SP6: variants seen among roughly 807,000 people sequenced by gnomAD.
The protein encoded by SP6 is transcription factor Sp6.
A neutral mutation model predicts 23.4 loss-of-function variants in SP6; 10 were observed. That is an observed-to-expected ratio of 0.43 (90% CI 0.26 to 0.72). The LOEUF is 0.72. SP6 is among the 30% of genes least tolerant of loss of function. SP6 has a pLI of 0.23. For synonymous variants in SP6, 238 were observed against 238.7 expected, an observed-to-expected ratio of 1.00 and a Z score of 0.03; for missense variants, 482 against 523.8, an observed-to-expected ratio of 0.92 and a Z score of 0.78.
At chr17:47,862,933 T>C in the SP6 span, among the ~76,000 whole-genome samples, 4 of 152,274 alleles carry the variant, frequency 2.6e-5, no homozygotes. Context: ...TTATCCTTGA[T>C]TGAGCCTGTG....
Position 47,850,921 on chromosome 17 carries a change from C to G in SP6, c.-60G>C, listed in dbSNP as rs543471761. 1.3e-5 allele frequency: 2 copies of G among 152,506 alleles called. No homozygotes were observed. Among genetic ancestry groups the G allele is most frequent in the East Asian group, 3.9e-4 (2 of 5,188 alleles). The allele number at this position is 152,506 out of a possible 1,614,324, so 9.4% of individuals were successfully genotyped here. On this transcript the variant is annotated splice_region_variant and 5_prime_UTR_variant, in exon 1 of 2. Coordinates refer to ENST00000536300, the MANE Select transcript of SP6 (RefSeq NM_001258248.2). ...GCCACCCCGACCCGCGCTCCTACCT[C>G]GAGGCTGCGGCGGGCTCCGGGCACG...
chr17:47,855,893 A>G (rs1708925390), upstream of SP6: 1 of 152,338 alleles, frequency 6.6e-6, no homozygotes, highest in South Asian at 2.1e-4. Flanking sequence ...CTGCCAGGAA[A>G]GGAGGATTTC....
chr17:47,847,809 G>C lies in SP6; in HGVS notation c.621C>G (p.Asp207Glu). ...GGGAGCCTTTGGGACGCGCCGCCCCGTCCAGGCTGGAATCCAGCCCTTGAG... is the reference window on the plus strand; with the variant it reads ...GGGAGCCTTTGGGACGCGCCGCCCCCTCCAGGCTGGAATCCAGCCCTTGAG... ...PESQGLDSSLDGAARPKGSRR... is the reference protein window; with the variant it reads ...PESQGLDSSLEGAARPKGSRR... Residue 207 changes from aspartate (D) to glutamate (E), a missense_variant, in exon 2 of 2, where the codon GAC becomes GAG. Physicochemically the swap from Asp to Glu is conservative, Grantham distance 45. Coordinates refer to ENST00000536300, the MANE Select transcript of SP6 (RefSeq NM_001258248.2). 1 of 1,532,418 alleles carries C rather than the reference G, an allele frequency of 6.5e-7. No individual in the cohort carries two copies. Among genetic ancestry groups the C allele is most frequent in the South Asian group, 1.3e-5 (1 of 77,768 alleles). 94.9% of individuals were successfully genotyped at this position (1,532,418 alleles called of 1,614,324 possible).
chr17:47,851,571 C>T (rs1466396655), upstream of SP6, among the ~76,000 whole-genome samples: 2 of 152,200 alleles, frequency 1.3e-5, no homozygotes, highest in Non-Finnish European at 2.9e-5. Flanking sequence ...CCTTGACCCT[C>T]TCTGAACGGA....
At chr17:47,863,333 G>A in the SP6 span, 1 of 152,304 alleles carries the variant, frequency 6.6e-6, no homozygotes, top group South Asian at 2.1e-4. Context: ...ATCCTCACTA[G>A]AATGTAAGCT....
At chr17:47,874,297 C>T in the SP6 span, among the ~76,000 whole-genome samples, 1 of 152,026 alleles carries the variant, frequency 6.6e-6, no homozygotes, top group Non-Finnish European at 1.5e-5. Context: ...CATTATATTG[C>T]CCAGGCTGGT....
chr17:47,847,740 G>A lies in SP6; in HGVS notation c.690C>T (p.Cys230=). The A allele has an allele frequency of 1.3e-6, 2 of 1,588,826 alleles. No individual in the cohort carries two copies. Among genetic ancestry groups the A allele is most frequent in the Non-Finnish European group, 8.6e-7 (1 of 1,166,446 alleles). The stretch of plus-strand genomic sequence containing the variant: ...GTCGCTCCGCCTCCAGACAGTTGGG[G>A]CAGCGACAGACGGTCTGGCCTGAGC... ...PRSSGQTVCR[C]PNCLEAERLG... Residue 230 remains cysteine (C), a synonymous_variant, in exon 2 of 2, where the codon TGC becomes TGT. Coordinates refer to ENST00000536300, the MANE Select transcript of SP6 (RefSeq NM_001258248.2).
Position 47,847,713 on chromosome 17 carries a change from C to T in SP6, c.717G>A (p.Leu239=), listed in dbSNP as rs769646173. ...RCPNCLEAER[L]GAPCGPDGGK... is the part of the protein sequence containing the mutation. ...CCCCATCGGGCCCACATGGAGCCCC[C>T]AGTCGCTCCGCCTCCAGACAGTTGG... is the stretch of plus-strand genomic sequence containing the variant. Residue 239 remains leucine, a synonymous_variant, in exon 2 of 2, where the codon CTG becomes CTA. Coordinates refer to ENST00000536300, the MANE Select transcript of SP6 (RefSeq NM_001258248.2). 1 of 1,600,620 alleles carries T rather than the reference C, an allele frequency of 6.2e-7. No individual in the cohort carries two copies. Among genetic ancestry groups the T allele is most frequent in the Admixed American group, 1.7e-5 (1 of 59,330 alleles).
upstream of SP6, chr17:47,855,582 C>T (rs1266271368): frequency 6.6e-6 from 1 of 152,230 alleles, no homozygotes; most frequent in African/African-American, 2.4e-5. Context: ...CTCTATGACC[C>T]CCACTTTAGA....
chr17:47,850,394 A>C (rs190526340), intron 1 of SP6, among the ~76,000 whole-genome samples: 11 of 152,086 alleles, frequency 7.2e-5, no homozygotes, highest in Admixed American at 2.6e-4. Flanking sequence ...AGAATAGAGG[A>C]GGGGGCAGGT....
In SP6 at chr17:47,848,703, T is replaced by C. The variant is rs1208639877; in HGVS notation, c.-57-217A>G. ...TGATGGAGGTCTACCTTCCTCTGGG[T>C]GATCCCTGCCGTATGACCCAGCTCA... is the stretch of plus-strand genomic sequence containing the variant. On this transcript the variant is annotated intron_variant, in intron 1 of 1. Transcript: ENST00000536300. The surrounding 1 kb of genome is among the most constrained non-coding windows in gnomAD (Gnocchi z 5.3). Among the ~76,000 whole-genome samples the C allele has an allele frequency of 6.6e-6, 1 of 152,038 alleles. No homozygotes were observed. Among genetic ancestry groups the C allele is most frequent in the Non-Finnish European group, 1.5e-5 (1 of 67,992 alleles).
chr17:47,858,045 C>T (rs532833573), upstream of SP6, among the ~76,000 whole-genome samples: 3 of 152,248 alleles, frequency 2.0e-5, no homozygotes, highest in Admixed American at 6.5e-5. Flanking sequence ...CCCAGACTTT[C>T]GTCTCCAGTG....
At chr17:47,869,469 C>A in the SP6 span, among the ~76,000 whole-genome samples, 1 of 152,168 alleles carries the variant, frequency 6.6e-6, no homozygotes, top group South Asian at 2.1e-4. Context: ...GAAAAGGGGG[C>A]TGACAGGGAT....
upstream of SP6, among the ~76,000 whole-genome samples, chr17:47,855,275 C>T (rs918655949): frequency 6.6e-6 from 1 of 152,120 alleles, no homozygotes; most frequent in Non-Finnish European, 1.5e-5. Context: ...TCTCCTCCAC[C>T]GTAAATGCAG....
At chr17:47,854,614 A>C (rs1598063566), upstream of SP6, among the ~76,000 whole-genome samples, 2 of 152,198 alleles carry the variant, frequency 1.3e-5, no homozygotes, top group Non-Finnish European at 2.9e-5. Flanking sequence ...CTAATGGACA[A>C]ACTGATCCCA....
At chr17:47,870,201 C>T in the SP6 span, among the ~76,000 whole-genome samples, 7 of 152,176 alleles carry the variant, frequency 4.6e-5, no homozygotes, top group Admixed American at 2.6e-4. Context: ...TGCTTTGATG[C>T]CAAGGGAACC....
the SP6 span, among the ~76,000 whole-genome samples, chr17:47,872,300 GTC>G: frequency 1.7e-4 from 26 of 152,186 alleles, no homozygotes; most frequent in Non-Finnish European, 3.2e-4. Context: ...ATCCTTTCAG[GTC>G]TCTCTCCCCG....
In SP6 at chr17:47,845,313, C is replaced by G. The variant is rs2033873364; in HGVS notation, c.*1986G>C. ...TCCTCTTTCCCCCTCTCCACCTGGC[C>G]AGGCAACCTGCAGGCACTGCCAAAT... On this transcript the variant is annotated 3_prime_UTR_variant, in exon 2 of 2. Transcript: ENST00000536300. 2 of 152,248 alleles carry G rather than the reference C, an allele frequency of 1.3e-5. No individual in the cohort carries two copies. The allele number at this position is 152,248 out of a possible 1,614,324, so 9.4% of individuals were successfully genotyped here.
chr17:47,853,989 G>A (rs577908296), upstream of SP6, among the ~76,000 whole-genome samples: 1 of 152,224 alleles, frequency 6.6e-6, no homozygotes, highest in South Asian at 2.1e-4. Flanking sequence ...AATGAGCAAG[G>A]TCACCACAGC....
Sources: gnomAD v4.1 joint callset for allele counts (sites outside exome capture counted in the v4.1 genomes callset) on GRCh38, gnomAD v4.1.1 for gene constraint, Gnocchi (gnomAD v3.1) non-coding constraint, MANE v1.5 for transcripts, NCBI Gene and HGNC (gene_info 2026-07-23, HGNC 2026-07-21) for gene names.